Variants in PSD3 observed in about 807,000 individuals in gnomAD.
The protein encoded by PSD3 is pleckstrin and Sec7 domain containing 3.
A neutral mutation model predicts 105.5 loss-of-function variants in PSD3; 49 were observed. The observed-to-expected ratio is 0.46, with a 90% CI of 0.37 to 0.59. The LOEUF is 0.59. PSD3 is among the 20% of genes least tolerant of loss of function. PSD3 has a pLI of 0.00. For missense variants in PSD3, 1,561 were observed against 1,263.8 expected, an observed-to-expected ratio of 1.24 and a Z score of -3.57; for synonymous variants, 557 against 457.8, an observed-to-expected ratio of 1.22 and a Z score of -2.77.
In PSD3 at chr8:18,804,761, C is replaced by T. The variant is rs755148079; in HGVS notation, c.1772G>A (p.Arg591His). ...NVEAAKRLAK[R>H]LYQLDRFKRS... ...TTTGAATCTGTCCAGCTGATAAAGG[C>T]GTTTGGCCAACCTTTTGGCTGCTTC... is the stretch of plus-strand genomic sequence containing the variant. Residue 591 changes from arginine (R) to histidine (H), a missense_variant, in exon 5 of 16, where the codon CGC (arginine) becomes CAC (histidine). Physicochemically the swap from Arg to His is conservative, Grantham distance 29. Transcript: ENST00000327040. The T allele has an allele frequency of 1.5e-5, 24 of 1,613,982 alleles. No homozygotes were observed. The highest frequency in any genetic ancestry group is 3.3e-5 in the Admixed American group (2 of 60,000).
chr8:18,765,496 G>C lies in PSD3; in HGVS notation c.2125C>G (p.Leu709Val). 1.9e-6 allele frequency: 3 copies of C among 1,613,088 alleles called. No individual in the cohort carries two copies. Among genetic ancestry groups the C allele is most frequent in the Non-Finnish European group, 1.7e-6 (2 of 1,179,092 alleles). Residue 709 changes from leucine (L) to valine (V), a missense_variant, in exon 9 of 16, where the codon CTG becomes GTG. Transcript: ENST00000327040. ...TCAACACCCTCATTTACCCCTTGCA[G>C]ATTTGCAATGAACTCCTGACAGGTC... ...KMTCQEFIANLQGVNEGVDFS... is the reference protein window; with the variant it reads ...KMTCQEFIANVQGVNEGVDFS...
At chr8:18,851,148 A>G (rs1396223226) in intron 4 of PSD3, among the ~76,000 whole-genome samples, 1 of 152,204 alleles carries the variant, frequency 6.6e-6, no homozygotes. Context: ...AAATCCACAG[A>G]GCACTCTGCA....
chr8:19,002,239 G>T (rs1363242672), intron 1 of PSD3, among the ~76,000 whole-genome samples: 1 of 151,900 alleles, frequency 6.6e-6, no homozygotes, highest in Non-Finnish European at 1.5e-5. Context: ...CACCTACATG[G>T]AACTTTCCCA....
At position 18,764,188 on chromosome 8, in the gene PSD3, T is replaced by G. The variant is rs536350962; in HGVS notation, c.2172+1261A>C. On this transcript the variant is annotated intron_variant, in intron 9 of 15. Coordinates refer to ENST00000327040, the MANE Select transcript of PSD3 (RefSeq NM_015310.4). The stretch of plus-strand genomic sequence containing the variant: ...TGTCAACTTTCATTTCTGACATAAG[T>G]TGATAAAAGCCTCACAAATCCTCTC... Among the ~76,000 whole-genome samples, 20 of 152,298 alleles carry G rather than the reference T, an allele frequency of 1.3e-4. No homozygotes were observed. In the South Asian group the frequency reaches 4.1e-3, roughly 32 times the overall value.
intron 9 of PSD3, among the ~76,000 whole-genome samples, chr8:18,712,866 C>T (rs1257568318): frequency 1.3e-5 from 2 of 152,144 alleles, no homozygotes; most frequent in Admixed American, 6.5e-5. Flanking sequence ...ACGTGGTGAA[C>T]ACCAGTGCAA....
At chr8:18,957,140 G>C (rs997908359) in intron 1 of PSD3, among the ~76,000 whole-genome samples, 1 of 152,136 alleles carries the variant, frequency 6.6e-6, no homozygotes, top group Admixed American at 6.5e-5. Context: ...GGGAGGCCAA[G>C]GTGGGCGGAT....
intron 9 of PSD3, among the ~76,000 whole-genome samples, chr8:18,722,236 CAG>C (rs1491289760): frequency 1.3e-5 from 2 of 152,032 alleles, no homozygotes; most frequent in African/African-American, 4.8e-5. Context: ...ATGTATGTGA[CAG>C]AGTCTTAAGA....
intron 12 of PSD3, among the ~76,000 whole-genome samples, chr8:18,585,998 G>T (rs540575081): frequency 1.3e-5 from 2 of 152,072 alleles, no homozygotes; most frequent in African/African-American, 4.8e-5. Flanking sequence ...TTTTCCTAGG[G>T]GGATCTGAGG....
intron 9 of PSD3, among the ~76,000 whole-genome samples, chr8:18,687,714 C>A (rs981393889): frequency 6.6e-6 from 1 of 151,960 alleles, no homozygotes; most frequent in Non-Finnish European, 1.5e-5. Flanking sequence ...TGTGTGTGTG[C>A]GCTTGCCCAT....
intron 1 of PSD3, among the ~76,000 whole-genome samples, chr8:18,986,266 T>A (rs1241668083): frequency 1.3e-5 from 2 of 152,196 alleles, no homozygotes; most frequent in Non-Finnish European, 1.5e-5. Context: ...AGTTATCAAG[T>A]TTTCAAAGGC....
At chr8:19,005,891 G>T (rs1384628705) in intron 1 of PSD3, among the ~76,000 whole-genome samples, 2 of 151,770 alleles carry the variant, frequency 1.3e-5, no homozygotes, top group African/African-American at 4.8e-5. Context: ...ACTTTAAATG[G>T]GTGAATCGTA....
intron 12 of PSD3, among the ~76,000 whole-genome samples, chr8:18,584,878 G>A (rs567295291): frequency 6.6e-6 from 1 of 152,248 alleles, no homozygotes; most frequent in South Asian, 2.1e-4. Context: ...TTTCATAAAG[G>A]GACTATCTAA....
intron 12 of PSD3, among the ~76,000 whole-genome samples, chr8:18,584,979 A>G (rs1803071083): frequency 6.6e-6 from 1 of 152,198 alleles, no homozygotes; most frequent in Non-Finnish European, 1.5e-5. Context: ...ACAAGTATGT[A>G]GAAGTCATGT....
intron 4 of PSD3, among the ~76,000 whole-genome samples, chr8:18,832,971 A>G (rs918654841): frequency 1.3e-5 from 2 of 152,228 alleles, no homozygotes; most frequent in Non-Finnish European, 2.9e-5. Context: ...CCATATCAGT[A>G]AACAAGGCAG....
At chr8:18,800,772 C>G (rs553797633) in intron 7 of PSD3, among the ~76,000 whole-genome samples, 17 of 152,318 alleles carry the variant, frequency 1.1e-4, no homozygotes, top group African/African-American at 4.1e-4. Flanking sequence ...ACCAGAGACA[C>G]AGCGCAACCA....
Position 18,949,221 on chromosome 8 carries a change from C to CAAAAAAA in PSD3, c.22-13086_22-13080dup, listed in dbSNP as rs1213755572. The stretch of plus-strand genomic sequence containing the variant: ...TGGGCTACAGATCGAGACTCTGTCT[C>CAAAAAAA]AAAAAAAAAAAAAAAAAAAAAAAAT... On this transcript the variant is annotated intron_variant, in intron 1 of 15. Transcript: ENST00000327040. 1.1e-3 allele frequency among the ~76,000 whole-genome samples: 13 copies of CAAAAAAA among 11,898 alleles called. 1 individual carries two copies. Among genetic ancestry groups the CAAAAAAA allele is most frequent in the East Asian group, 9.1e-3 (2 of 220 alleles). 7.8% of individuals were successfully genotyped at this position (11,898 alleles called of 152,430 possible).
At chr8:18,575,406 GA>G in intron 12 of PSD3, 121 bp from the exon 13 acceptor site, 1 of 938,912 alleles carries the variant, frequency 1.1e-6, no homozygotes, top group African/African-American at 1.7e-5. Flanking sequence ...TGAAAAAAAT[GA>G]AACAAACGGT....
At chr8:18,917,847 A>G (rs761520951) in intron 2 of PSD3, among the ~76,000 whole-genome samples, 1 of 152,164 alleles carries the variant, frequency 6.6e-6, no homozygotes, top group Non-Finnish European at 1.5e-5. Flanking sequence ...CAAGCTGTGA[A>G]TCATCTATCT....
chr8:19,060,706 A>G (rs6988541), intron 1 of PSD3, among the ~76,000 whole-genome samples: 23,083 of 152,238 alleles, frequency 0.15, 2,253 homozygotes, highest in East Asian at 0.28. Context: ...GCCAAAGTCT[A>G]ATCAATAATT....
Sources: gnomAD v4.1 joint callset for allele counts (sites outside exome capture counted in the v4.1 genomes callset) on GRCh38, gnomAD v4.1.1 for gene constraint, MANE v1.5 for transcripts, NCBI Gene and HGNC (gene_info 2026-07-23, HGNC 2026-07-21) for gene names.